The following C17orf67 variants were observed in gnomAD, a reference collection of about 807,000 sequenced individuals.
C17orf67 encodes uncharacterized protein C17orf67.
C17orf67 carries 12 observed loss-of-function variants against 11.2 expected under a neutral mutation model. That is an observed-to-expected ratio of 1.07 (90% CI 0.68 to 1.73). The LOEUF (loss-of-function observed/expected upper bound fraction) is 1.73, where lower values mean the gene tolerates loss of function less well. Ranked by LOEUF, C17orf67 falls within the 40% of genes most tolerant of loss-of-function variation. C17orf67 has a pLI of 0.00. For missense variants in C17orf67, 115 were observed against 113.5 expected (o/e 1.01, Z -0.06); for synonymous variants, 59 against 46.9 (o/e 1.26, Z -1.05).
rs1905753700 is a variant in C17orf67, at chr17:56,816,013, G to A, written c.-200-3C>T. 9.2e-7 allele frequency: 1 copy of A among 1,084,190 alleles called. No homozygotes were observed. The highest frequency in any genetic ancestry group is 1.6e-5 in the African/African-American group (1 of 64,080). 67.2% of individuals were successfully genotyped at this position (1,084,190 alleles called of 1,614,324 possible). A position where few individuals can be genotyped will look rare whatever the true frequency, so the allele number is the denominator to read the frequency against. ...CCGAATTCCTGTAAATTTTCATCCT[G>A]AGGAAGGAAATTGTTCCTCTGTAAT... is the stretch of plus-strand genomic sequence containing the variant. On this transcript the variant is annotated splice_polypyrimidine_tract_variant and splice_region_variant and intron_variant, in intron 4 of 7. Coordinates refer to ENST00000397861, the MANE Select transcript of C17orf67 (RefSeq NM_001085430.4).
rs1905153471 is a variant in C17orf67, at chr17:56,793,359, G to A, written c.*21-1007C>T. 2.0e-5 allele frequency among the ~76,000 whole-genome samples: 3 copies of A among 152,064 alleles called. No individual in the cohort carries two copies. In the South Asian group the frequency reaches 6.2e-4, roughly 32 times the overall value. On this transcript the variant is annotated intron_variant, in intron 7 of 7. Transcript: ENST00000397861. ...CCAGCCACCGCTTCCTTGTCTTTAT[G>A]TAAGTGGGAGCTGCCTGGAGTGAGG...
At chr17:56,821,306 G>T (rs1905899070) in intron 4 of C17orf67, among the ~76,000 whole-genome samples, 1 of 152,000 alleles carries the variant, frequency 6.6e-6, no homozygotes, top group Non-Finnish European at 1.5e-5. Context: ...CTCCATATTT[G>T]CTTTCATCTT....
At position 56,809,310 on chromosome 17, in the gene C17orf67, C is replaced by T. The variant is rs117178013; in HGVS notation, c.156+5559G>A. ...TCCCTGCACAGCTCCCTACTGTGTA[C>T]AGAAACCCAACTCTGCTGTGGCATC... is the stretch of plus-strand genomic sequence containing the variant. On this transcript the variant is annotated intron_variant, in intron 6 of 7. Transcript: ENST00000397861. Among the ~76,000 whole-genome samples, 128 of 152,054 alleles carry T rather than the reference C, an allele frequency of 8.4e-4. 2 individuals carry two copies. In the East Asian group the frequency reaches 0.022, roughly 26 times the overall value.
Position 56,832,885 on chromosome 17 carries a change from C to T in C17orf67, c.-557+13G>A, listed in dbSNP as rs1227851279. On this transcript the variant is annotated intron_variant, in intron 2 of 7. Transcript: ENST00000397861. ...ATATATGCACACATAATAATATATA[C>T]ATACACACATACACGTATATATACA... The T allele has an allele frequency of 6.6e-6, 1 of 152,220 alleles. No homozygotes were observed. Among genetic ancestry groups the T allele is most frequent in the African/African-American group, 2.4e-5 (1 of 41,462 alleles). The allele number at this position is 152,220 out of a possible 1,614,324, so 9.4% of individuals were successfully genotyped here.
intron 6 of C17orf67, among the ~76,000 whole-genome samples, chr17:56,805,318 C>T (rs1905419468): frequency 6.6e-6 from 1 of 152,164 alleles, no homozygotes; most frequent in Admixed American, 6.5e-5. Flanking sequence ...GGAGAACTTG[C>T]AACACACCAT....
At chr17:56,797,195 T>C (rs1042685584) in intron 6 of C17orf67, among the ~76,000 whole-genome samples, 1 of 152,104 alleles carries the variant, frequency 6.6e-6, no homozygotes, top group South Asian at 2.1e-4. Flanking sequence ...TTCATAGCCA[T>C]GTGAGTAGGG....
At chr17:56,809,651 C>G (rs1394667772) in intron 6 of C17orf67, among the ~76,000 whole-genome samples, 1 of 143,592 alleles carries the variant, frequency 7.0e-6, no homozygotes, top group African/African-American at 2.6e-5. Flanking sequence ...ACACACAGAC[C>G]CCTCACAGAC....
chr17:56,826,686 G>A (rs1222158709), intron 2 of C17orf67, among the ~76,000 whole-genome samples: 1 of 152,234 alleles, frequency 6.6e-6, no homozygotes, highest in East Asian at 1.9e-4. Context: ...GATTCCCAGG[G>A]CAAGGTTCTC....
chr17:56,802,699 T>A (rs1487698433), intron 6 of C17orf67, among the ~76,000 whole-genome samples: 2 of 152,210 alleles, frequency 1.3e-5, no homozygotes, highest in Non-Finnish European at 2.9e-5. Context: ...CTTTGGCTAC[T>A]ATTAGATAAC....
intron 6 of C17orf67, among the ~76,000 whole-genome samples, chr17:56,810,970 A>C (rs930697808): frequency 2.0e-5 from 3 of 152,358 alleles, no homozygotes; most frequent in East Asian, 3.9e-4. Flanking sequence ...TGAGTGGGTC[A>C]AATGGTAAGT....
At chr17:56,794,184 C>T (rs1304672930) in intron 7 of C17orf67, among the ~76,000 whole-genome samples, 1 of 152,168 alleles carries the variant, frequency 6.6e-6, no homozygotes, top group Non-Finnish European at 1.5e-5. Flanking sequence ...TCATGTGAGG[C>T]AATTTATGTT....
At chr17:56,815,513 T>C (rs1905737468) in intron 5 of C17orf67, among the ~76,000 whole-genome samples, 1 of 152,186 alleles carries the variant, frequency 6.6e-6, no homozygotes, top group Non-Finnish European at 1.5e-5. Context: ...TATTAGAAGC[T>C]GAAGATTTAT....
At chr17:56,817,298 T>C (rs1476059247) in intron 4 of C17orf67, among the ~76,000 whole-genome samples, 1 of 152,224 alleles carries the variant, frequency 6.6e-6, no homozygotes, top group Non-Finnish European at 1.5e-5. Flanking sequence ...TGTGTATTTC[T>C]CCAAATTTAT....
At chr17:56,804,427 G>A (rs1371848222) in intron 6 of C17orf67, among the ~76,000 whole-genome samples, 2 of 152,148 alleles carry the variant, frequency 1.3e-5, no homozygotes, top group African/African-American at 4.8e-5. Context: ...ATATAGAATG[G>A]TGGCTCAGAA....
intron 6 of C17orf67, among the ~76,000 whole-genome samples, chr17:56,809,483 A>AAC (rs143751095): frequency 2.9e-3 from 433 of 151,346 alleles, no homozygotes; most frequent in Non-Finnish European, 5.4e-3. Flanking sequence ...GCCTTTTCAA[A>AAC]ACACACACAC....
At chr17:56,794,411 G>T (rs1057221197) in intron 7 of C17orf67, among the ~76,000 whole-genome samples, 1 of 152,120 alleles carries the variant, frequency 6.6e-6, no homozygotes, top group African/African-American at 2.4e-5. Flanking sequence ...TTTGGAAAGG[G>T]GGGAAGATGA....
intron 2 of C17orf67, among the ~76,000 whole-genome samples, chr17:56,831,657 C>G (rs117064777): frequency 0.055 from 8,368 of 152,138 alleles, 281 homozygotes; most frequent in Admixed American, 0.1. Context: ...AGCCACAATA[C>G]CACAAAAAGC....
intron 6 of C17orf67, among the ~76,000 whole-genome samples, chr17:56,800,256 G>A (rs1287575224): frequency 1.3e-5 from 2 of 151,932 alleles, no homozygotes; most frequent in African/African-American, 2.4e-5. Context: ...TAGTAGAGAC[G>A]GGGTTTCACC....
At chr17:56,804,840 T>C (rs1364490134) in intron 6 of C17orf67, among the ~76,000 whole-genome samples, 1 of 152,154 alleles carries the variant, frequency 6.6e-6, no homozygotes, top group Non-Finnish European at 1.5e-5. Flanking sequence ...CCCGAGCAAT[T>C]GGCAAACAAC....
Sources: gnomAD v4.1 joint callset for allele counts (sites outside exome capture counted in the v4.1 genomes callset) on GRCh38, gnomAD v4.1.1 for gene constraint, MANE v1.5 for transcripts, NCBI Gene and HGNC (gene_info 2026-07-23, HGNC 2026-07-21) for gene names.